Variants in BIRC7 observed in about 807,000 individuals in gnomAD.
BIRC7 encodes baculoviral IAP repeat containing 7, also known as baculoviral IAP repeat-containing protein 7.
Under a neutral mutation model 33.2 loss-of-function variants are expected in BIRC7, and 26 were observed. That is an observed-to-expected ratio of 0.78 (90% CI 0.57 to 1.09). The LOEUF is 1.09. Among genes scored for constraint, BIRC7 ranks in the 50% least tolerant of loss-of-function variants. The pLI, the probability that BIRC7 is intolerant of heterozygous loss-of-function variation, is 0.00. For missense variants in BIRC7, 409 were observed against 401.2 expected (o/e 1.02, Z -0.17); for synonymous variants, 176 against 171.0 (o/e 1.03, Z -0.23).
chr20:63,239,775 C>T (rs1372896100), intron 6 of BIRC7, among the ~76,000 whole-genome samples, 165 bp downstream of exon 6: 1 of 152,236 alleles, frequency 6.6e-6, no homozygotes, highest in African/African-American at 2.4e-5. Context: ...ATCTTACTAC[C>T]TCCCTTGACG....
chr20:63,238,487 A>T lies in BIRC7; in HGVS notation c.531+10A>T. ...GCTGCTGGGCTCCTGGGTGAGCGCC[A>T]CCTCTCCTCGGGGCTCCGGGTGGCA... On this transcript the variant is annotated intron_variant, in intron 3 of 6. Coordinates refer to ENST00000217169, the MANE Select transcript of BIRC7 (RefSeq NM_139317.3). The T allele has an allele frequency of 3.7e-6, 6 of 1,612,830 alleles. No homozygotes were observed. Among genetic ancestry groups the T allele is most frequent in the Non-Finnish European group, 5.1e-6 (6 of 1,179,856 alleles).
chr20:63,239,617 GCC>G lies in BIRC7; in HGVS notation c.*5+10_*5+11del. The stretch of plus-strand genomic sequence containing the variant: ...CCTTCCTGTCCTAGGCCAGGTGAGC[GCC>G]CCAGCACCACGCGCAGCCAGCCCTC... On this transcript the variant is annotated splice_region_variant and intron_variant, in intron 6 of 6. Transcript: ENST00000217169. 1 of 1,583,690 alleles carries G rather than the reference GCC, an allele frequency of 6.3e-7. No homozygotes were observed. The highest frequency in any genetic ancestry group is 8.5e-7 in the Non-Finnish European group (1 of 1,170,282).
Position 63,236,136 on chromosome 20 carries a change from C to G in BIRC7, c.40C>G (p.Pro14Ala). 1 of 1,581,046 alleles carries G rather than the reference C, an allele frequency of 6.3e-7. No homozygotes were observed. The highest frequency in any genetic ancestry group is 8.6e-7 in the Non-Finnish European group (1 of 1,163,058). ...KDSAKCLHRG[P>A]QPSHWAAGDG... ...CAGTGCCAAGTGCCTGCACCGTGGA[C>G]CACAGCCGAGCCACTGGGCAGCCGG... Residue 14 changes from proline (P) to alanine (A), a missense_variant, in exon 1 of 7, where the codon CCA (proline) becomes GCA (alanine). Transcript: ENST00000217169.
In BIRC7 at chr20:63,237,959, C is replaced by G. The variant is rs565044697; in HGVS notation, c.406C>G (p.Arg136Gly). 1.9e-6 allele frequency: 3 copies of G among 1,608,844 alleles called. No homozygotes were observed. Among genetic ancestry groups the G allele is most frequent in the Admixed American group, 3.4e-5 (2 of 58,936 alleles). The change falls in exon 2 of 7, where the codon CGC (arginine) becomes GGC (glycine). Residue 136 changes from arginine (R) to glycine (G), a missense_variant. Physicochemically the swap from Arg to Gly is moderately radical, Grantham distance 125. Transcript: ENST00000217169. Reference sequence around the variant, plus strand: ...CTATGGGGGCCTGCAGAGCTGGAAGCGCGGGGACGACCCCTGGACGGAGCA... The same window carrying G: ...CTATGGGGGCCTGCAGAGCTGGAAGGGCGGGGACGACCCCTGGACGGAGCA... ...FCYGGLQSWK[R>G]GDDPWTEHAK...
chr20:63,236,037 T>G lies in BIRC7; in HGVS notation c.-60T>G. 1.0e-4 allele frequency: 146 copies of G among 1,461,202 alleles called. No individual in the cohort carries two copies. Among genetic ancestry groups the G allele is most frequent in the Non-Finnish European group, 1.2e-4 (132 of 1,092,140 alleles). The allele number at this position is 1,461,202 out of a possible 1,614,324, so 90.5% of individuals were successfully genotyped here. A position where few individuals can be genotyped will look rare whatever the true frequency, so the allele number is the denominator to read the frequency against. On this transcript the variant is annotated 5_prime_UTR_variant, in exon 1 of 7. Transcript: ENST00000217169. The stretch of plus-strand genomic sequence containing the variant: ...CCAGAAGGGCCAGCTGGGCATATTC[T>G]GAGATTGGCCATCAGCCCCCATTTC...
At position 63,238,593 on chromosome 20, in the gene BIRC7, G is replaced by A. The variant is rs1364690930; in HGVS notation, c.556G>A (p.Ala186Thr). 8.7e-6 allele frequency: 14 copies of A among 1,612,838 alleles called. No homozygotes were observed. Among genetic ancestry groups the A allele is most frequent in the East Asian group, 4.5e-5 (2 of 44,884 alleles). The change falls in exon 4 of 7, where the codon GCA (alanine) becomes ACA (threonine). Residue 186 changes from alanine (A) to threonine (T), a missense_variant. Transcript: ENST00000217169. ...GGACCCGTGGGAAGAACCGGAAGAC[G>A]CAGCCCCTGTGGCCCCCTCCGGTGA... Reference protein sequence around the residue: ...SWDPWEEPEDAAPVAPSVPAS... With the variant: ...SWDPWEEPEDTAPVAPSVPAS...
At chr20:63,239,956 A>T (rs1568697704) in intron 6 of BIRC7, among the ~76,000 whole-genome samples, 1 of 152,248 alleles carries the variant, frequency 6.6e-6, no homozygotes, top group South Asian at 2.1e-4. Flanking sequence ...GGTTGGGCTT[A>T]CACAAGCGAG....
intron 1 of BIRC7, 52 bp from the exon 2 acceptor site, chr20:63,237,851 G>A (rs1451018688): frequency 1.3e-6 from 2 of 1,493,628 alleles, no homozygotes; most frequent in East Asian, 2.4e-5. Flanking sequence ...CACACCGGGG[G>A]CCCGGGGACT....
Position 63,236,261 on chromosome 20 carries a change from C to T in BIRC7, c.165C>T (p.Ile55=), listed in dbSNP as rs878882165. 2 of 1,607,488 alleles carry T rather than the reference C, an allele frequency of 1.2e-6. No homozygotes were observed. The highest frequency in any genetic ancestry group is 2.2e-5 in the South Asian group (2 of 90,302). Reference sequence around the variant, plus strand: ...CCTGGGACCACGTGGATGGGCAGATCCTGGGCCAGCTGCGGCCCCTGACAG... The same window carrying T: ...CCTGGGACCACGTGGATGGGCAGATTCTGGGCCAGCTGCGGCCCCTGACAG... ...CRAWDHVDGQ[I]LGQLRPLTEE... Residue 55 remains isoleucine, a synonymous_variant, in exon 1 of 7, where the codon ATC becomes ATT. Transcript: ENST00000217169.
intron 2 of BIRC7, 91 bp from the exon 3 acceptor site, chr20:63,238,304 AG>A: frequency 6.9e-7 from 1 of 1,455,604 alleles, no homozygotes; most frequent in East Asian, 2.3e-5. Flanking sequence ...TGGCGGGAGG[AG>A]GGGGCCCAAC....
In BIRC7 at chr20:63,236,130, C is replaced by T. The variant is rs893292012; in HGVS notation, c.34C>T (p.Arg12Cys). The T allele has an allele frequency of 1.4e-5, 22 of 1,577,632 alleles. No homozygotes were observed. In the South Asian group the frequency reaches 1.7e-4, roughly 12 times the overall value. Residue 12 changes from arginine to cysteine, a missense_variant, in exon 1 of 7, where the codon CGT becomes TGT. Arg to Cys is a radical substitution (Grantham distance 180). Coordinates refer to ENST00000217169, the MANE Select transcript of BIRC7 (RefSeq NM_139317.3). ...TAAAGACAGTGCCAAGTGCCTGCACCGTGGACCACAGCCGAGCCACTGGGC... is the reference window on the plus strand; with the variant it reads ...TAAAGACAGTGCCAAGTGCCTGCACTGTGGACCACAGCCGAGCCACTGGGC... Reference protein sequence around the residue: ...GPKDSAKCLHRGPQPSHWAAG... With the variant: ...GPKDSAKCLHCGPQPSHWAAG...
intron 6 of BIRC7, among the ~76,000 whole-genome samples, chr20:63,240,027 G>A (rs1024293950): frequency 3.3e-5 from 5 of 152,392 alleles, no homozygotes; most frequent in African/African-American, 9.6e-5. Flanking sequence ...CGGGAAGGGG[G>A]TGTGTGAACC....
Position 63,238,377 on chromosome 20 carries a change from A to G in BIRC7, c.450-19A>G. 1.9e-6 allele frequency: 3 copies of G among 1,611,252 alleles called. No individual in the cohort carries two copies. Among genetic ancestry groups the G allele is most frequent in the Non-Finnish European group, 1.7e-6 (2 of 1,179,796 alleles). Reference sequence around the variant, plus strand: ...GTGGGGGCCCTGAACCCCAACCTACATCTCTGGGGCATCTGCAGCTGTCAG... The same window carrying G: ...GTGGGGGCCCTGAACCCCAACCTACGTCTCTGGGGCATCTGCAGCTGTCAG... On this transcript the variant is annotated intron_variant, in intron 2 of 6. Transcript: ENST00000217169.
intron 1 of BIRC7, among the ~76,000 whole-genome samples, chr20:63,237,112 C>T (rs1601254758): frequency 6.6e-6 from 1 of 152,258 alleles, no homozygotes; most frequent in East Asian, 1.9e-4. Context: ...ACTGGCACAG[C>T]CATGGTCATT....
Position 63,236,390 on chromosome 20 carries a change from G to A in BIRC7, c.294G>A (p.Pro98=), listed in dbSNP as rs537991526. The change falls in exon 1 of 7, where the codon CCG becomes CCA. Residue 98 remains proline, a synonymous_variant. Coordinates refer to ENST00000217169, the MANE Select transcript of BIRC7 (RefSeq NM_139317.3). Reference sequence around the variant, plus strand: ...GTCTGGCCTCCTTCTATGACTGGCCGCTGACTGCTGAGGTGCCACCCGAGC... The same window carrying A: ...GTCTGGCCTCCTTCTATGACTGGCCACTGACTGCTGAGGTGCCACCCGAGC... ...ELRLASFYDW[P]LTAEVPPELL... 12 of 1,568,132 alleles carry A rather than the reference G, an allele frequency of 7.7e-6. No homozygotes were observed. Among genetic ancestry groups the A allele is most frequent in the African/African-American group, 1.3e-5 (1 of 74,156 alleles).
In BIRC7 at chr20:63,238,608, C is replaced by T; in HGVS notation, c.571C>T (p.Pro191Ser). 6.2e-7 allele frequency: 1 copy of T among 1,612,858 alleles called. No homozygotes were observed. ...EEPEDAAPVAPSVPASGYPEL... is the reference protein window; with the variant it reads ...EEPEDAAPVASSVPASGYPEL... ...ACCGGAAGACGCAGCCCCTGTGGCC[C>T]CCTCCGGTGAGAGCTGACACCACCC... The change falls in exon 4 of 7, where the codon CCC becomes TCC. Residue 191 changes from proline to serine, a missense_variant. Pro to Ser is a moderately conservative substitution (Grantham distance 74). Transcript: ENST00000217169.
intron 4 of BIRC7, chr20:63,238,832 C>G (rs748080065): frequency 4.5e-6 from 3 of 666,688 alleles, no homozygotes; most frequent in Non-Finnish European, 7.6e-6. Flanking sequence ...CATTCTGCTT[C>G]TCTCCCAGCT....
intron 2 of BIRC7, 71 bp from the exon 3 acceptor site, chr20:63,238,325 C>A (rs2066705118): frequency 6.4e-7 from 1 of 1,574,652 alleles, no homozygotes; most frequent in Non-Finnish European, 8.7e-7. Flanking sequence ...CCCTGACCCC[C>A]GGGGATCCAA....
chr20:63,240,100 C>T (rs1263686330), intron 6 of BIRC7, among the ~76,000 whole-genome samples, 156 bp from the exon 7 acceptor site: 4 of 152,206 alleles, frequency 2.6e-5, no homozygotes, highest in Non-Finnish European at 5.9e-5. Context: ...GTGACCGCCT[C>T]GGGGCTCCCC....
Sources: allele counts gnomAD v4.1 joint callset (sites outside exome capture counted in the v4.1 genomes callset), GRCh38; gene constraint gnomAD v4.1.1; transcripts MANE v1.5; gene names NCBI Gene and HGNC (gene_info 2026-07-23, HGNC 2026-07-21).